The following MARCHF4 variants were observed in gnomAD, a reference collection of about 807,000 sequenced individuals.
MARCHF4 encodes the protein E3 ubiquitin-protein ligase MARCHF4.
MARCHF4 carries 14 observed loss-of-function variants against 43.9 expected under a neutral mutation model. The ratio of observed to expected loss-of-function variants is 0.32; its 90% CI spans 0.21 to 0.50. The LOEUF is 0.50. Among genes scored for constraint, MARCHF4 ranks in the 20% least tolerant of loss-of-function variants. The pLI, the probability that MARCHF4 is intolerant of heterozygous loss-of-function variation, is 0.98. For synonymous variants in MARCHF4, 226 were observed against 213.3 expected (o/e 1.06, Z -0.52); for missense variants, 468 against 536.7 (o/e 0.87, Z 1.27).
At chr2:216,259,924 A>G (rs1424792825) in intron 3 of MARCHF4, among the ~76,000 whole-genome samples, 1 of 151,810 alleles carries the variant, frequency 6.6e-6, no homozygotes, top group African/African-American at 2.4e-5. Context: ...CTTCTACACC[A>G]CCCCACCCCC....
rs145174983 is a variant in MARCHF4 at position 216,285,110 on chromosome 2, C to G, written c.517-1381G>C. ...TGCACCCCTTTCCTCCAGTGCCAAGCCCTAAATAAGTTTTCATGTTTGAAT... is the reference window on the plus strand; with the variant it reads ...TGCACCCCTTTCCTCCAGTGCCAAGGCCTAAATAAGTTTTCATGTTTGAAT... On this transcript the variant is annotated intron_variant, in intron 1 of 3. Transcript: ENST00000273067. 5.1e-4 allele frequency among the ~76,000 whole-genome samples: 78 copies of G among 152,208 alleles called. No individual in the cohort carries two copies. The South Asian group carries it at 8.3e-3, about 16-fold the overall frequency.
rs547248179 is a variant in MARCHF4, at chr2:216,262,550, G to A, written c.866-2871C>T. ...TTTATGAGGTTAGAGGATTATTGGAGTCAGTGAATGGGGGGTGATGGTCGG... is the reference window on the plus strand; with the variant it reads ...TTTATGAGGTTAGAGGATTATTGGAATCAGTGAATGGGGGGTGATGGTCGG... On this transcript the variant is annotated intron_variant, in intron 3 of 3. Coordinates refer to ENST00000273067, the MANE Select transcript of MARCHF4 (RefSeq NM_020814.3). Among the ~76,000 whole-genome samples, 5 of 152,278 alleles carry A rather than the reference G, an allele frequency of 3.3e-5. No homozygotes were observed. In the South Asian group the frequency reaches 1.0e-3, roughly 32 times the overall value.
At chr2:216,365,116 T>G (rs186285977) in intron 1 of MARCHF4, among the ~76,000 whole-genome samples, 121 of 152,300 alleles carry the variant, frequency 7.9e-4, no homozygotes, top group African/African-American at 2.9e-3. Flanking sequence ...GTACACCATT[T>G]AAGTCTCTTC....
chr2:216,322,034 G>A (rs1214662260), intron 1 of MARCHF4, among the ~76,000 whole-genome samples: 1 of 152,162 alleles, frequency 6.6e-6, no homozygotes, highest in East Asian at 1.9e-4. Flanking sequence ...GACTGAAATG[G>A]CTGTGAAATG....
chr2:216,275,086 T>C (rs893427080), intron 3 of MARCHF4, among the ~76,000 whole-genome samples: 1 of 152,246 alleles, frequency 6.6e-6, no homozygotes, highest in East Asian at 1.9e-4. Flanking sequence ...CTTGGGCTAT[T>C]ATGTTTTCCG....
intron 3 of MARCHF4, among the ~76,000 whole-genome samples, chr2:216,271,017 G>C (rs751657114): frequency 6.6e-6 from 1 of 152,122 alleles, no homozygotes; most frequent in Non-Finnish European, 1.5e-5. Context: ...ATGCACATCT[G>C]TTCATATTTC....
At chr2:216,351,982 T>C (rs1179509156) in intron 1 of MARCHF4, among the ~76,000 whole-genome samples, 1 of 152,222 alleles carries the variant, frequency 6.6e-6, no homozygotes, top group East Asian at 1.9e-4. Context: ...AAGGACTAGA[T>C]AATTCCAAGT....
At chr2:216,361,643 GA>G (rs1317197463) in intron 1 of MARCHF4, among the ~76,000 whole-genome samples, 3 of 152,202 alleles carry the variant, frequency 2.0e-5, no homozygotes, top group African/African-American at 7.2e-5. Context: ...AGGAAGAGAG[GA>G]CAGAGTTCAG....
At chr2:216,280,715 T>C (rs183549970) in intron 2 of MARCHF4, among the ~76,000 whole-genome samples, 207 of 152,342 alleles carry the variant, frequency 1.4e-3, no homozygotes, top group Admixed American at 0.012. Context: ...TGTGTCACCC[T>C]GGGCATGTTG....
intron 1 of MARCHF4, among the ~76,000 whole-genome samples, chr2:216,295,943 C>T (rs1489588326): frequency 5.3e-5 from 8 of 152,100 alleles, no homozygotes; most frequent in Non-Finnish European, 7.4e-5. Context: ...GTCAGGAGTT[C>T]GAGACCAGCC....
At chr2:216,361,496 C>T (rs1692578628) in intron 1 of MARCHF4, among the ~76,000 whole-genome samples, 1 of 152,126 alleles carries the variant, frequency 6.6e-6, no homozygotes, top group Non-Finnish European at 1.5e-5. Flanking sequence ...CCCCTGACCT[C>T]TAGGTACTCA....
At chr2:216,362,655 G>T (rs1692602950) in intron 1 of MARCHF4, among the ~76,000 whole-genome samples, 1 of 152,202 alleles carries the variant, frequency 6.6e-6, no homozygotes, top group Non-Finnish European at 1.5e-5. Flanking sequence ...TACAGAGTTG[G>T]ATAGAACCTA....
At chr2:216,365,638 C>G (rs1422603099) in intron 1 of MARCHF4, among the ~76,000 whole-genome samples, 2 of 152,246 alleles carry the variant, frequency 1.3e-5, no homozygotes, top group Admixed American at 1.3e-4. Context: ...TCTTCAGAAG[C>G]AATAGAGAAG....
chr2:216,313,143 T>G (rs1691717002), intron 1 of MARCHF4, among the ~76,000 whole-genome samples: 1 of 152,198 alleles, frequency 6.6e-6, no homozygotes, highest in Non-Finnish European at 1.5e-5. Flanking sequence ...GGGTGTCCTT[T>G]CCCCATTGTT....
At chr2:216,336,742 T>TTAA (rs1491283900) in intron 1 of MARCHF4, among the ~76,000 whole-genome samples, 1 of 55,680 alleles carries the variant, frequency 1.8e-5, no homozygotes, top group African/African-American at 5.1e-5. Context: ...CAAATAGATT[T>TTAA]AAAAAAAAAA....
At chr2:216,369,259 A>G (rs1334743034) in intron 1 of MARCHF4, among the ~76,000 whole-genome samples, 1 of 152,236 alleles carries the variant, frequency 6.6e-6, no homozygotes, top group Non-Finnish European at 1.5e-5. Context: ...TCCAAAGTAA[A>G]AGAACAAGCT....
At chr2:216,350,236 TACTCCCCCTCACTCTGCC>T (rs1692379828) in intron 1 of MARCHF4, among the ~76,000 whole-genome samples, 1 of 52,662 alleles carries the variant, frequency 1.9e-5, no homozygotes, top group African/African-American at 8.0e-5. Flanking sequence ...CTCGCTATGC[TACTCCCCCTCACTCTGCC>T]ACTCCCCCTC....
At chr2:216,332,279 C>G (rs1278150424) in intron 1 of MARCHF4, among the ~76,000 whole-genome samples, 2 of 151,820 alleles carry the variant, frequency 1.3e-5, no homozygotes, top group Non-Finnish European at 2.9e-5. Flanking sequence ...GTAATCCCAG[C>G]TACCCAGGAC....
At chr2:216,294,393 A>G (rs959080275) in intron 1 of MARCHF4, among the ~76,000 whole-genome samples, 14 of 152,266 alleles carry the variant, frequency 9.2e-5, no homozygotes, top group Admixed American at 3.3e-4. Flanking sequence ...TATTCAGGGG[A>G]AACAGCAGAT....
Sources: allele counts gnomAD v4.1 joint callset (sites outside exome capture counted in the v4.1 genomes callset), GRCh38; gene constraint gnomAD v4.1.1; transcripts MANE v1.5; gene names NCBI Gene and HGNC (gene_info 2026-07-23, HGNC 2026-07-21).